Variants in SUN3 observed in about 807,000 individuals in gnomAD.
The protein encoded by SUN3 is SUN domain-containing protein 3.
Under a neutral mutation model 48.2 loss-of-function variants are expected in SUN3, and 36 were observed. The observed-to-expected ratio is 0.75, with a 90% confidence interval of 0.57 to 0.99. The LOEUF is 0.99. Among genes scored for constraint, SUN3 ranks in the 50% least tolerant of loss-of-function variants. The pLI is 0.00. For synonymous variants in SUN3, 148 were observed against 147.9 expected (o/e 1.00, Z 0.00); for missense variants, 419 against 433.1 (o/e 0.97, Z 0.29).
chr7:48,003,428 A>G (rs1336254463), intron 6 of SUN3, among the ~76,000 whole-genome samples: 3 of 152,140 alleles, frequency 2.0e-5, no homozygotes, highest in Non-Finnish European at 4.4e-5. Context: ...AAATAGTTTT[A>G]TCTAGTTCTG....
Position 47,987,441 on chromosome 7 carries a change from A to G in SUN3, c.963T>C (p.Val321=). ...TVQTFELQHA[V]SEYLLCVKLN... is the part of the protein sequence containing the mutation. ...GTTTCACACATAATAAATATTCAGA[A>G]ACTGCATGCTGAAAATAAAGAAAAG... Residue 321 remains valine, a synonymous_variant, in exon 10 of 10, where the codon GTT becomes GTC. Transcript: ENST00000297325. 1 of 1,566,402 alleles carries G rather than the reference A, an allele frequency of 6.4e-7. No homozygotes were observed. The highest frequency in any genetic ancestry group is 8.6e-7 in the Non-Finnish European group (1 of 1,159,578).
rs755295610 is a variant in SUN3 at position 47,996,054 on chromosome 7, T to A, written c.670A>T (p.Met224Leu). 38 of 1,577,780 alleles carry A rather than the reference T, an allele frequency of 2.4e-5. No individual in the cohort carries two copies. In the Admixed American group the frequency reaches 6.4e-4, roughly 27 times the overall value. ...ACCTGAAGAATAATATCTGGAGGCA[T>A]TTCATGATTTAGGAAACCTATCCCA... ...WHGIGFLNHE[M>L]PPDIILQPDV... Residue 224 changes from methionine (M) to leucine (L), a missense_variant, in exon 7 of 10, where the codon ATG (methionine) becomes TTG (leucine). Met to Leu is a conservative substitution (Grantham distance 15, BLOSUM62 2). Coordinates refer to ENST00000297325, the MANE Select transcript of SUN3 (RefSeq NM_001030019.2).
At chr7:48,031,636 G>A (rs184722771), upstream of SUN3, among the ~76,000 whole-genome samples, 2 of 152,238 alleles carry the variant, frequency 1.3e-5, no homozygotes, top group Admixed American at 1.3e-4. Flanking sequence ...AAAACAGTAT[G>A]GAAGTGCCTT....
At chr7:48,031,884 G>T (rs1790261162), upstream of SUN3, among the ~76,000 whole-genome samples, 1 of 150,002 alleles carries the variant, frequency 6.7e-6, no homozygotes, top group African/African-American at 2.5e-5. Flanking sequence ...GGTGTGTGGT[G>T]GTGGTGGGGG....
At chr7:47,994,162 T>C in intron 8 of SUN3, 153 bp downstream of exon 8, 2 of 626,004 alleles carry the variant, frequency 3.2e-6, no homozygotes, top group South Asian at 2.3e-5. Flanking sequence ...AATCATTTGG[T>C]CCAACTCTCT....
intron 8 of SUN3, among the ~76,000 whole-genome samples, chr7:47,992,788 G>A (rs1422764909): frequency 6.6e-6 from 1 of 152,104 alleles, no homozygotes; most frequent in Non-Finnish European, 1.5e-5. Flanking sequence ...ACATAATGGG[G>A]GAATATTTGT....
At chr7:48,023,333 A>T (rs369748301) in intron 2 of SUN3, among the ~76,000 whole-genome samples, 36 of 152,286 alleles carry the variant, frequency 2.4e-4, no homozygotes, top group African/African-American at 7.2e-4. Flanking sequence ...GCATTCTATT[A>T]AAGTTAATTT....
intron 3 of SUN3, among the ~76,000 whole-genome samples, 153 bp downstream of exon 3, chr7:48,017,109 C>A (rs959627672): frequency 3.3e-5 from 5 of 152,190 alleles, no homozygotes; most frequent in Admixed American, 6.5e-5. Context: ...CACATTCAAA[C>A]CACAGAAACC....
At chr7:47,994,702 A>G (rs763093543) in intron 7 of SUN3, among the ~76,000 whole-genome samples, 1 of 152,200 alleles carries the variant, frequency 6.6e-6, no homozygotes, top group Non-Finnish European at 1.5e-5. Context: ...TGCTCTAACT[A>G]GACTGTAAGC....
chr7:48,002,797 C>T (rs1213324956), intron 6 of SUN3, among the ~76,000 whole-genome samples: 4 of 152,168 alleles, frequency 2.6e-5, no homozygotes, highest in African/African-American at 9.7e-5. Context: ...GTCGTGATAT[C>T]TTTGCCCATG....
intron 2 of SUN3, among the ~76,000 whole-genome samples, chr7:48,018,959 A>G (rs1789891492): frequency 6.6e-6 from 1 of 152,208 alleles, no homozygotes; most frequent in Non-Finnish European, 1.5e-5. Flanking sequence ...ATGTATGGAT[A>G]AAATGAGAAT....
chr7:47,999,427 T>A (rs1478391152), intron 6 of SUN3, among the ~76,000 whole-genome samples: 1 of 152,170 alleles, frequency 6.6e-6, no homozygotes, highest in East Asian at 1.9e-4. Flanking sequence ...CTTTCTAATT[T>A]GCATGCCTTT....
chr7:48,006,752 A>G (rs1371449852), intron 5 of SUN3, among the ~76,000 whole-genome samples: 1 of 152,202 alleles, frequency 6.6e-6, no homozygotes, highest in Non-Finnish European at 1.5e-5. Context: ...GAAGAGAAAG[A>G]AGCAAAATAG....
At chr7:48,026,136 C>A (rs775815277) in intron 1 of SUN3, among the ~76,000 whole-genome samples, 198 bp from the exon 2 acceptor site, 23 of 152,040 alleles carry the variant, frequency 1.5e-4, no homozygotes, top group Non-Finnish European at 2.6e-4. Flanking sequence ...ATGATACACA[C>A]TCACCAGCAT....
At chr7:48,001,374 A>G (rs576832882) in intron 6 of SUN3, among the ~76,000 whole-genome samples, 36 of 152,262 alleles carry the variant, frequency 2.4e-4, no homozygotes, top group African/African-American at 8.2e-4. Context: ...TGCTAAGGAT[A>G]ATGGCCTCCA....
chr7:47,987,398 AG>A lies in SUN3; in HGVS notation c.1005del (p.Trp336GlyfsTer68). On this transcript the variant is annotated frameshift_variant, in exon 10 of 10. Transcript: ENST00000297325. LOFTEE classifies it high-confidence loss of function. ...AAACAAGTATACTTCGGGTGTCCCC[AG>A]TTGCTAAAGATATTAAGTTTCACAC... ...LLCVKLNIFS[N>X]WGHPKYTCLY... 1 of 1,606,616 alleles carries A rather than the reference AG, an allele frequency of 6.2e-7. No individual in the cohort carries two copies. Among genetic ancestry groups the A allele is most frequent in the South Asian group, 1.1e-5 (1 of 89,454 alleles).
intron 7 of SUN3, 74 bp from the exon 8 acceptor site, chr7:47,994,556 A>G: frequency 6.9e-7 from 1 of 1,439,520 alleles, no homozygotes; most frequent in South Asian, 1.4e-5. Flanking sequence ...TCAGCTAATC[A>G]CTATTGACTG....
Position 47,988,784 on chromosome 7 carries a change from T to C in SUN3, c.954+4A>G. On this transcript the variant is annotated splice_donor_region_variant and intron_variant, in intron 9 of 9. Coordinates refer to ENST00000297325, the MANE Select transcript of SUN3 (RefSeq NM_001030019.2). ...CTCATATCATTTCCCAGAGCATACA[T>C]TACCTGGAGTTCAAATGTTTGAACG... 6.3e-7 allele frequency: 1 copy of C among 1,584,718 alleles called. No homozygotes were observed. Among genetic ancestry groups the C allele is most frequent in the Non-Finnish European group, 8.6e-7 (1 of 1,157,840 alleles).
At chr7:48,006,589 C>A (rs1038503646) in intron 5 of SUN3, among the ~76,000 whole-genome samples, 9 of 152,170 alleles carry the variant, frequency 5.9e-5, no homozygotes, top group Non-Finnish European at 1.5e-5. Context: ...CCTAAGCAGG[C>A]GTAACAGTTC....
Sources: allele counts gnomAD v4.1 joint callset (sites outside exome capture counted in the v4.1 genomes callset), GRCh38; gene constraint gnomAD v4.1.1; transcripts MANE v1.5; gene names NCBI Gene and HGNC (gene_info 2026-07-23, HGNC 2026-07-21).